The following PDLIM1 variants were observed in gnomAD, a reference collection of about 807,000 sequenced individuals.
The protein encoded by PDLIM1 is PDZ and LIM domain 1, also known as PDZ and LIM domain protein 1.
Under a neutral mutation model 35.2 loss-of-function variants are expected in PDLIM1, and 25 were observed. The ratio of observed to expected loss-of-function variants is 0.71; its 90% confidence interval spans 0.52 to 0.99. The LOEUF is 0.99. PDLIM1 is among the 50% of genes least tolerant of loss of function. The pLI is 0.00. For missense variants in PDLIM1, 363 were observed against 415.3 expected, an observed-to-expected ratio of 0.87 and a Z score of 1.09; for synonymous variants, 152 against 154.0, an observed-to-expected ratio of 0.99 and a Z score of 0.10.
At chr10:95,252,101 C>T (rs1257814503) in intron 4 of PDLIM1, among the ~76,000 whole-genome samples, 1 of 152,182 alleles carries the variant, frequency 6.6e-6, no homozygotes, top group Non-Finnish European at 1.5e-5. Flanking sequence ...CTAGTCTCAC[C>T]AGGCTATGAT....
chr10:95,265,037 G>T (rs1346797562), intron 3 of PDLIM1, among the ~76,000 whole-genome samples: 2 of 152,234 alleles, frequency 1.3e-5, no homozygotes, highest in African/African-American at 4.8e-5. Context: ...GCAGCCAGCT[G>T]AACTCAAAAT....
chr10:95,238,066 ACACT>A lies in PDLIM1; in HGVS notation c.845_848del (p.Glu282ValfsTer11), dbSNP rs752901362. 7 of 1,614,082 alleles carry A rather than the reference ACACT, an allele frequency of 4.3e-6. No individual in the cohort carries two copies. In the Admixed American group the frequency reaches 1.0e-4, roughly 23 times the overall value. ...TGGTGCCACAGTCAGTGCACACATA[ACACT>A]CAGGGTGGCGGTGACGGTCCCGCAG... On this transcript the variant is annotated frameshift_variant, in exon 7 of 7. Transcript: ENST00000329399. LOFTEE classifies it high-confidence loss of function.
At chr10:95,254,906 CTAAGTAAG>C (rs575291046) in intron 4 of PDLIM1, among the ~76,000 whole-genome samples, 75 of 151,722 alleles carry the variant, frequency 4.9e-4, no homozygotes, top group Middle Eastern at 3.4e-3. Flanking sequence ...GAGACTGCCT[CTAAGTAAG>C]TAAGTAAGTA....
chr10:95,264,784 ACCC>A (rs969771867), intron 3 of PDLIM1, among the ~76,000 whole-genome samples: 1 of 151,376 alleles, frequency 6.6e-6, no homozygotes. Flanking sequence ...AGTTCCCTCC[ACCC>A]CCACCCTAGA....
intron 1 of PDLIM1, among the ~76,000 whole-genome samples, chr10:95,282,835 T>C (rs2035572180): frequency 6.6e-6 from 1 of 152,090 alleles, no homozygotes; most frequent in Non-Finnish European, 1.5e-5. Context: ...TCTCAGCTAC[T>C]TGGGAGGCTG....
chr10:95,271,444 A>G (rs1273070406), intron 2 of PDLIM1, among the ~76,000 whole-genome samples, 189 bp downstream of exon 2: 1 of 151,966 alleles, frequency 6.6e-6, no homozygotes, highest in Non-Finnish European at 1.5e-5. Context: ...CTCAAAAAAA[A>G]AAAAAAAAAA....
intron 1 of PDLIM1, among the ~76,000 whole-genome samples, chr10:95,288,958 T>C (rs2035626340): frequency 6.6e-6 from 1 of 152,146 alleles, no homozygotes; most frequent in South Asian, 2.1e-4. Flanking sequence ...CATAAATAAA[T>C]AATATAAATA....
intron 5 of PDLIM1, among the ~76,000 whole-genome samples, chr10:95,245,065 C>T (rs1358243533): frequency 6.6e-6 from 1 of 152,180 alleles, no homozygotes; most frequent in Admixed American, 6.5e-5. Context: ...TTGCTATCTC[C>T]CTCTTCCCTT....
intron 5 of PDLIM1, among the ~76,000 whole-genome samples, chr10:95,242,091 A>T (rs1351891935): frequency 6.6e-6 from 1 of 152,164 alleles, no homozygotes; most frequent in African/African-American, 2.4e-5. Flanking sequence ...CTGGCAGCAC[A>T]TGAGATGGGG....
chr10:95,260,206 T>A (rs2035348660), intron 4 of PDLIM1, among the ~76,000 whole-genome samples: 1 of 152,236 alleles, frequency 6.6e-6, no homozygotes, highest in Non-Finnish European at 1.5e-5. Flanking sequence ...TATTTCCACC[T>A]TAGATCTCAG....
chr10:95,247,818 A>G (rs1014862422), intron 4 of PDLIM1, among the ~76,000 whole-genome samples: 3 of 152,248 alleles, frequency 2.0e-5, no homozygotes, highest in Admixed American at 1.3e-4. Flanking sequence ...ACGATCTCAC[A>G]GTGCTTTCCC....
intron 4 of PDLIM1, among the ~76,000 whole-genome samples, chr10:95,252,672 TA>T (rs2035276975): frequency 6.6e-6 from 1 of 151,784 alleles, no homozygotes; most frequent in African/African-American, 2.4e-5. Context: ...TTAAAACAAA[TA>T]AAGTCTCAAC....
At position 95,253,426 on chromosome 10, in the gene PDLIM1, T is replaced by C. The variant is rs141642180; in HGVS notation, c.534-6060A>G. Among the ~76,000 whole-genome samples the C allele has an allele frequency of 8.4e-4, 128 of 152,078 alleles. 1 individual carries two copies. In the East Asian group the frequency reaches 0.021, roughly 25 times the overall value. On this transcript the variant is annotated intron_variant, in intron 4 of 6. Transcript: ENST00000329399. ...AATAAAAGAAGGAACCAGCCAGGCA[T>C]GGTGGCTCACCTGAGGTGAGGAGTT...
intron 5 of PDLIM1, among the ~76,000 whole-genome samples, chr10:95,239,904 T>C (rs1240041079): frequency 6.6e-6 from 1 of 152,102 alleles, no homozygotes; most frequent in Non-Finnish European, 1.5e-5. Flanking sequence ...TCGACATCAC[T>C]GATCATTAGA....
At chr10:95,266,160 G>T (rs1204903145) in intron 3 of PDLIM1, among the ~76,000 whole-genome samples, 1 of 152,054 alleles carries the variant, frequency 6.6e-6, no homozygotes, top group East Asian at 1.9e-4. Context: ...CTGCACCATT[G>T]CACTCCAGCC....
Position 95,290,442 on chromosome 10 carries a change from T to C in PDLIM1, c.96+378A>G, listed in dbSNP as rs781017251. 1.3e-4 allele frequency among the ~76,000 whole-genome samples: 18 copies of C among 138,916 alleles called. No homozygotes were observed. Among genetic ancestry groups the C allele is most frequent in the Non-Finnish European group, 2.3e-4 (15 of 64,866 alleles). 91.1% of individuals were successfully genotyped at this position (138,916 alleles called of 152,430 possible). On this transcript the variant is annotated intron_variant, in intron 1 of 6. Coordinates refer to ENST00000329399, the MANE Select transcript of PDLIM1 (RefSeq NM_020992.4). The surrounding 1 kb of genome is among the most constrained non-coding windows in gnomAD (Gnocchi z 4.7). ...TCTTTCCTGTTGCGTTCGGCTGCAC[T>C]GCGATCTGGGAAGAAGGGAGAAGTG...
intron 5 of PDLIM1, among the ~76,000 whole-genome samples, chr10:95,242,340 T>C (rs920209681): frequency 1.4e-4 from 21 of 152,222 alleles, no homozygotes; most frequent in African/African-American, 5.1e-4. Context: ...TAATATTGCA[T>C]TTAAATGTCA....
intron 1 of PDLIM1, among the ~76,000 whole-genome samples, chr10:95,276,366 A>G (rs534889550): frequency 6.6e-6 from 1 of 152,084 alleles, no homozygotes; most frequent in South Asian, 2.1e-4. Context: ...AGTGTCACAA[A>G]GTCCTGATGC....
At chr10:95,263,186 G>A (rs1408808884) in intron 4 of PDLIM1, among the ~76,000 whole-genome samples, 1 of 148,274 alleles carries the variant, frequency 6.7e-6, no homozygotes, top group Non-Finnish European at 1.5e-5. Flanking sequence ...GCAGCCAGAT[G>A]ATCTGTGACA....
Sources: allele counts gnomAD v4.1 joint callset (sites outside exome capture counted in the v4.1 genomes callset), GRCh38; gene constraint gnomAD v4.1.1; non-coding constraint Gnocchi (gnomAD v3.1); transcripts MANE v1.5; gene names NCBI Gene and HGNC (gene_info 2026-07-23, HGNC 2026-07-21).